Variants in TNS3 observed in about 807,000 individuals in gnomAD.
The protein encoded by TNS3 is tensin-3.
Under a neutral mutation model 140.9 loss-of-function variants are expected in TNS3, and 45 were observed. That is an observed-to-expected ratio of 0.32 (90% CI 0.25 to 0.41). The LOEUF (loss-of-function observed/expected upper bound fraction) is 0.41. TNS3 is among the 10% of genes least tolerant of loss of function. The probability of loss-of-function intolerance (pLI) is 1.00; values close to 1 mark genes in which losing one functional copy is unlikely to be tolerated. For missense variants in TNS3, 1,716 were observed against 1,906.7 expected, an observed-to-expected ratio of 0.90 and a Z score of 1.86; for synonymous variants, 815 against 788.4, an observed-to-expected ratio of 1.03 and a Z score of -0.56.
At chr7:47,327,346 G>T (rs892049213) in intron 20 of TNS3, among the ~76,000 whole-genome samples, 1 of 152,182 alleles carries the variant, frequency 6.6e-6, no homozygotes, top group African/African-American at 2.4e-5. Context: ...AGAGACAACA[G>T]TAAATCTCAT....
At chr7:47,467,045 T>G (rs1322664701) in intron 4 of TNS3, among the ~76,000 whole-genome samples, 2 of 152,214 alleles carry the variant, frequency 1.3e-5, no homozygotes, top group African/African-American at 2.4e-5. Context: ...AGTAGTACTT[T>G]TGAAAGTCTG....
intron 16 of TNS3, among the ~76,000 whole-genome samples, chr7:47,395,898 A>G (rs1792801730): frequency 6.6e-6 from 1 of 152,196 alleles, no homozygotes; most frequent in Non-Finnish European, 1.5e-5. Flanking sequence ...GACAACAGAG[A>G]GGAGCCATGT....
At chr7:47,439,945 G>A (rs17172861) in intron 5 of TNS3, among the ~76,000 whole-genome samples, 9,541 of 152,160 alleles carry the variant, frequency 0.063, 804 homozygotes, top group African/African-American at 0.19. Context: ...GAGCAGTGAC[G>A]CATGGGCTCA....
chr7:47,397,387 A>G (rs1225636840), intron 15 of TNS3, among the ~76,000 whole-genome samples: 1 of 152,232 alleles, frequency 6.6e-6, no homozygotes, highest in Non-Finnish European at 1.5e-5. Flanking sequence ...TAGAAAAAGC[A>G]TGATTATTTC....
In TNS3 at chr7:47,435,304, T is replaced by C. The variant is rs1206663244; in HGVS notation, c.302A>G (p.His101Arg). Residue 101 changes from histidine to arginine, a missense_variant, in exon 8 of 31, where the codon CAT (histidine) becomes CGT (arginine). Transcript: ENST00000311160. ...QESWLNSNLQ[H>R]VVVIHCRGGK... Reference sequence around the variant, plus strand: ...CACCCTGCAGTGAATGACGACCACATGCTGGAGGTTGCTGTTCAGCCAGGA... The same window carrying C: ...CACCCTGCAGTGAATGACGACCACACGCTGGAGGTTGCTGTTCAGCCAGGA... 6.2e-7 allele frequency: 1 copy of C among 1,614,134 alleles called. No individual in the cohort carries two copies. The highest frequency in any genetic ancestry group is 8.5e-7 in the Non-Finnish European group (1 of 1,180,014).
At chr7:47,318,759 G>A (rs189683270) in intron 20 of TNS3, among the ~76,000 whole-genome samples, 70 of 152,282 alleles carry the variant, frequency 4.6e-4, no homozygotes, top group African/African-American at 1.6e-3. Context: ...TATACACCAC[G>A]TCCACACAGG....
At chr7:47,384,923 A>G (rs1472765292) in intron 16 of TNS3, among the ~76,000 whole-genome samples, 1 of 152,214 alleles carries the variant, frequency 6.6e-6, no homozygotes, top group Non-Finnish European at 1.5e-5. Context: ...TGTGGCGTCC[A>G]CACATCACTG....
intron 1 of TNS3, among the ~76,000 whole-genome samples, chr7:47,568,676 T>C (rs1800483741): frequency 6.6e-6 from 1 of 152,188 alleles, no homozygotes; most frequent in Non-Finnish European, 1.5e-5. Context: ...AAGCCTGAGG[T>C]CTATGAGCGG....
intron 16 of TNS3, 184 bp downstream of exon 16, chr7:47,396,616 C>G (rs1188959824): frequency 1.6e-6 from 1 of 614,390 alleles, no homozygotes; most frequent in East Asian, 2.8e-5. Flanking sequence ...ACTCACCATG[C>G]CTTATTCTCA....
chr7:47,319,948 G>C (rs1445158195), intron 20 of TNS3, among the ~76,000 whole-genome samples: 1 of 152,194 alleles, frequency 6.6e-6, no homozygotes, highest in South Asian at 2.1e-4. Flanking sequence ...TGTGAGCAAT[G>C]AGGAATGCAA....
In TNS3 at chr7:47,320,666, C is replaced by T. The variant is rs139051014; in HGVS notation, c.2651-15663G>A. Among the ~76,000 whole-genome samples the T allele has an allele frequency of 2.0e-4, 30 of 152,304 alleles. No individual in the cohort carries two copies. In the East Asian group the frequency reaches 5.8e-3, roughly 29 times the overall value. On this transcript the variant is annotated intron_variant, in intron 20 of 30. Transcript: ENST00000311160. ...GGACACAAGTCATGTTGGATGAGGG[C>T]TCACCCTAAGGGACCCACTTTCACC...
chr7:47,388,854 G>A (rs567603648), intron 16 of TNS3, among the ~76,000 whole-genome samples: 12 of 151,460 alleles, frequency 7.9e-5, no homozygotes, highest in Non-Finnish European at 1.2e-4. Flanking sequence ...GTCTCAGAGC[G>A]AGATTTCCTC....
intron 20 of TNS3, 56 bp downstream of exon 20, chr7:47,344,699 C>G (rs925272984): frequency 6.6e-6 from 10 of 1,519,682 alleles, no homozygotes; most frequent in East Asian, 2.3e-5. Flanking sequence ...AAATGGCGAC[C>G]CCGCGATGCA....
rs1420635081 is a variant in TNS3 at position 47,304,842 on chromosome 7, T to G, written c.2812A>C (p.Arg938=). ...GATCCATCTTCTTACCTCTCTCTCCTCTGCCCAGGGCCGTTGCTGGAAATG... is the reference window on the plus strand; with the variant it reads ...GATCCATCTTCTTACCTCTCTCTCCGCTGCCCAGGGCCGTTGCTGGAAATG... The part of the protein sequence containing the change: ...CTISSNGPGQ[R]RESSSSAERQ... Residue 938 remains arginine, a synonymous_variant, in exon 21 of 31, where the codon AGG becomes CGG. Transcript: ENST00000311160. The G allele has an allele frequency of 1.5e-6, 2 of 1,372,422 alleles. No homozygotes were observed. Among genetic ancestry groups the G allele is most frequent in the African/African-American group, 1.5e-5 (1 of 67,030 alleles). The allele number at this position is 1,372,422 out of a possible 1,614,324, so 85.0% of individuals were successfully genotyped here. A position where few individuals can be genotyped will look rare whatever the true frequency, so the allele number is the denominator to read the frequency against.
chr7:47,562,193 A>G (rs1338409144), intron 1 of TNS3, among the ~76,000 whole-genome samples: 2 of 152,142 alleles, frequency 1.3e-5, no homozygotes, highest in African/African-American at 4.8e-5. Flanking sequence ...GGACTGACCC[A>G]GTGTATGTCT....
In TNS3 at chr7:47,364,548, C is replaced by T. The variant is rs1790583270; in HGVS notation, c.2281+3817G>A. On this transcript the variant is annotated intron_variant, in intron 17 of 30. Transcript: ENST00000311160. ...CTGCCTGCCTCGGCCCAGTAAGCAT[C>T]TTTTAATGGGATTTCTATCAGGTCA... Among the ~76,000 whole-genome samples the T allele has an allele frequency of 3.3e-5, 5 of 152,164 alleles. No individual in the cohort carries two copies. The South Asian group carries it at 1.0e-3, about 31-fold the overall frequency.
chr7:47,359,973 T>C (rs188701963), intron 17 of TNS3, among the ~76,000 whole-genome samples: 3 of 152,270 alleles, frequency 2.0e-5, no homozygotes, highest in African/African-American at 7.2e-5. Context: ...CTCAGCAGTG[T>C]CTTCAGAGCG....
intron 1 of TNS3, among the ~76,000 whole-genome samples, chr7:47,542,926 C>CA (rs33935034): frequency 0.62 from 83,825 of 135,096 alleles, 26,321 homozygotes; most frequent in Middle Eastern, 0.72. Context: ...GCAAGACTGT[C>CA]AAAAAAAAAA....
intron 4 of TNS3, among the ~76,000 whole-genome samples, chr7:47,443,470 C>A (rs1283521033): frequency 6.6e-6 from 1 of 152,186 alleles, no homozygotes; most frequent in East Asian, 1.9e-4. Flanking sequence ...TAACCCAAAG[C>A]CTTTCACAGC....
Sources: allele counts gnomAD v4.1 joint callset (sites outside exome capture counted in the v4.1 genomes callset), GRCh38; gene constraint gnomAD v4.1.1; transcripts MANE v1.5; gene names NCBI Gene and HGNC (gene_info 2026-07-23, HGNC 2026-07-21).